The following HIVEP3 variants were observed in gnomAD, a reference collection of about 807,000 sequenced individuals.
HIVEP3 encodes the protein HIVEP zinc finger 3, also known as transcription factor HIVEP3.
In HIVEP3, 49 loss-of-function variants were observed where a neutral mutation model predicts 152.8. That is an observed-to-expected ratio of 0.32 (90% confidence interval 0.26 to 0.41). The LOEUF (loss-of-function observed/expected upper bound fraction) is 0.41. HIVEP3 is among the 10% of genes least tolerant of loss of function. HIVEP3 has a pLI of 1.00. For missense variants in HIVEP3, 2,790 were observed against 3,103.3 expected (o/e 0.90, Z 2.40); for synonymous variants, 1,269 against 1,289.0 (o/e 0.98, Z 0.33).
chr1:41,769,289 G>A (rs1260917417), intron 1 of HIVEP3, among the ~76,000 whole-genome samples: 2 of 152,194 alleles, frequency 1.3e-5, no homozygotes, highest in South Asian at 2.1e-4. Context: ...CCCTACGGGG[G>A]GTTAGTGACT....
chr1:41,905,634 C>T (rs188840068), intron 1 of HIVEP3, among the ~76,000 whole-genome samples: 64 of 152,298 alleles, frequency 4.2e-4, no homozygotes, highest in Non-Finnish European at 8.1e-4. Flanking sequence ...CAAGATCACA[C>T]AGTTAGTATA....
At chr1:41,815,678 C>A (rs1439526546) in intron 1 of HIVEP3, among the ~76,000 whole-genome samples, 1 of 151,710 alleles carries the variant, frequency 6.6e-6, no homozygotes, top group Non-Finnish European at 1.5e-5. Flanking sequence ...ATCCTAGTGG[C>A]ATGTGGAGAA....
At chr1:41,991,518 C>CA (rs1645361176) in intron 1 of HIVEP3, among the ~76,000 whole-genome samples, 2 of 148,168 alleles carry the variant, frequency 1.3e-5, no homozygotes, top group Admixed American at 6.7e-5. Flanking sequence ...AGCTTACCAA[C>CA]CAAAAAGAGT....
intron 1 of HIVEP3, among the ~76,000 whole-genome samples, chr1:41,715,024 T>G (rs928575900): frequency 2.0e-5 from 3 of 152,144 alleles, no homozygotes; most frequent in African/African-American, 7.2e-5. Flanking sequence ...TCGGGGGAGC[T>G]GGCACACCCT....
At chr1:41,522,410 T>C (rs1442969919) in intron 6 of HIVEP3, among the ~76,000 whole-genome samples, 1 of 152,240 alleles carries the variant, frequency 6.6e-6, no homozygotes, top group Non-Finnish European at 1.5e-5. Flanking sequence ...TCGTTGGTTC[T>C]GGAAGGTTCT....
chr1:41,662,176 C>T lies in HIVEP3; in HGVS notation c.-720-33229G>A, dbSNP rs1645724021. ...TCCGCTGCTCTGGGCTGGGCTGCGC[C>T]GCGCTGGACTGGGCTGCGCTGGGCT... On this transcript the variant is annotated intron_variant, in intron 2 of 8. Coordinates refer to ENST00000372583, the MANE Select transcript of HIVEP3 (RefSeq NM_024503.5). This position sits in a 1 kb window ranked among gnomAD's most constrained non-coding sequence, Gnocchi z 7.2. 6.8e-6 allele frequency: 1 copy of T among 147,658 alleles called. No individual in the cohort carries two copies. The highest frequency in any genetic ancestry group is 1.5e-5 in the Non-Finnish European group (1 of 66,452). The allele number at this position is 147,658 out of a possible 1,614,324, so 9.1% of individuals were successfully genotyped here. A position where few individuals can be genotyped will look rare whatever the true frequency, so the allele number is the denominator to read the frequency against.
intron 2 of HIVEP3, among the ~76,000 whole-genome samples, chr1:41,642,067 T>C (rs1412738855): frequency 6.6e-6 from 1 of 152,218 alleles, no homozygotes; most frequent in Non-Finnish European, 1.5e-5. Flanking sequence ...CAATCCATGT[T>C]AATGAATGGA....
Position 41,511,403 on chromosome 1 carries a change from C to T in HIVEP3, c.6406-137G>A, listed in dbSNP as rs932309257. ...GGTCCCGGCTGAGCTGAGCCCAGAA[C>T]CAAGTTCCTGACTCCCTGCCCACAG... is the stretch of plus-strand genomic sequence containing the variant. On this transcript the variant is annotated intron_variant, in intron 8 of 8. Transcript: ENST00000372583. The surrounding 1 kb of genome is among the most constrained non-coding windows in gnomAD (Gnocchi z 4.9). The T allele has an allele frequency of 2.5e-6, 2 of 797,442 alleles. No homozygotes were observed. Among genetic ancestry groups the T allele is most frequent in the Non-Finnish European group, 3.9e-6 (2 of 517,754 alleles). The allele number at this position is 797,442 out of a possible 1,614,324, so 49.4% of individuals were successfully genotyped here.
intron 5 of HIVEP3, among the ~76,000 whole-genome samples, chr1:41,526,504 C>T (rs1642919783): frequency 7.8e-6 from 1 of 128,720 alleles, no homozygotes; most frequent in Non-Finnish European, 1.7e-5. Flanking sequence ...ACTCCACACC[C>T]CTGCCGTCAC....
intron 5 of HIVEP3, chr1:41,542,777 G>C (rs1227403318): frequency 6.2e-6 from 1 of 161,674 alleles, no homozygotes; most frequent in Non-Finnish European, 1.4e-5. Context: ...GTGCTGAAGA[G>C]CAGGCTTCAG....
At chr1:41,550,490 T>A (rs922536281) in intron 5 of HIVEP3, among the ~76,000 whole-genome samples, 8 of 152,250 alleles carry the variant, frequency 5.3e-5, no homozygotes, top group African/African-American at 1.9e-4. Flanking sequence ...ATATTGATTC[T>A]TCCTATCCAT....
At chr1:41,566,196 G>T (rs1644159940) in intron 5 of HIVEP3, among the ~76,000 whole-genome samples, 1 of 152,134 alleles carries the variant, frequency 6.6e-6, no homozygotes, top group South Asian at 2.1e-4. Context: ...TTCCACTCTG[G>T]TTTCAAAATA....
At position 41,536,255 on chromosome 1, in the gene HIVEP3, G is replaced by C. The variant is rs1643397984; in HGVS notation, c.5208-11345C>G. 2.0e-5 allele frequency among the ~76,000 whole-genome samples: 3 copies of C among 152,272 alleles called. No individual in the cohort carries two copies. The South Asian group carries it at 6.2e-4, about 32-fold the overall frequency. ...GATGAATAGGCTATGAGGTCTTCTA[G>C]TAGTAGGTAGTAGGTAGAATAGCAT... On this transcript the variant is annotated intron_variant, in intron 5 of 8. Coordinates refer to ENST00000372583, the MANE Select transcript of HIVEP3 (RefSeq NM_024503.5).
chr1:41,750,703 C>CTT lies in HIVEP3; in HGVS notation c.-800-49710_-800-49709dup, dbSNP rs11403164. 2.4e-3 allele frequency among the ~76,000 whole-genome samples: 357 copies of CTT among 146,022 alleles called. 3 individuals are homozygous for CTT. Among genetic ancestry groups the CTT allele is most frequent in the East Asian group, 0.015 (73 of 5,012 alleles). ...CTACTGAGCTACCAAGCCCAGTGCA[C>CTT]TTTTTTTTTTTTTTGACACGCGTCT... On this transcript the variant is annotated intron_variant, in intron 1 of 8. Transcript: ENST00000372583.
intron 7 of HIVEP3, among the ~76,000 whole-genome samples, chr1:41,516,990 A>G (rs1642626706): frequency 6.6e-6 from 1 of 152,240 alleles, no homozygotes; most frequent in Non-Finnish European, 1.5e-5. Flanking sequence ...GCCTGAGGGC[A>G]GGAGCTGTTT....
chr1:41,771,853 G>A (rs1187306098), intron 1 of HIVEP3, among the ~76,000 whole-genome samples: 2 of 152,108 alleles, frequency 1.3e-5, no homozygotes, highest in East Asian at 3.9e-4. Flanking sequence ...TTTTAGTAGA[G>A]ATGGGGTTTC....
intron 1 of HIVEP3, among the ~76,000 whole-genome samples, chr1:41,885,012 A>G (rs1644322028): frequency 6.6e-6 from 1 of 152,224 alleles, no homozygotes; most frequent in Admixed American, 6.5e-5. Flanking sequence ...GTCAAATTCC[A>G]AAGGCATCCA....
chr1:41,694,740 G>A (rs1646247009), intron 2 of HIVEP3, among the ~76,000 whole-genome samples: 1 of 152,170 alleles, frequency 6.6e-6, no homozygotes, highest in African/African-American at 2.4e-5. Flanking sequence ...TCCAGGAGAA[G>A]GAACACAATT....
At chr1:41,821,071 G>A (rs1412563415) in intron 1 of HIVEP3, among the ~76,000 whole-genome samples, 1 of 152,132 alleles carries the variant, frequency 6.6e-6, no homozygotes, top group Non-Finnish European at 1.5e-5. Flanking sequence ...TGAGGGGCTG[G>A]AGCCCAGAGA....
Sources: gnomAD v4.1 joint callset for allele counts (sites outside exome capture counted in the v4.1 genomes callset) on GRCh38, gnomAD v4.1.1 for gene constraint, Gnocchi (gnomAD v3.1) non-coding constraint, MANE v1.5 for transcripts, NCBI Gene and HGNC (gene_info 2026-07-23, HGNC 2026-07-21) for gene names.